ARHGEF3: variants seen among roughly 807,000 people sequenced by gnomAD.
ARHGEF3 encodes the protein Rho guanine nucleotide exchange factor 3.
A neutral mutation model predicts 63.2 loss-of-function variants in ARHGEF3; 28 were observed. The ratio of observed to expected loss-of-function variants is 0.44; its 90% confidence interval spans 0.33 to 0.61. ARHGEF3 has a LOEUF of 0.61. Ranked by LOEUF, ARHGEF3 falls within the 20% of genes least tolerant of loss-of-function variation. ARHGEF3 has a pLI of 0.03. For synonymous variants in ARHGEF3, 266 were observed against 254.2 expected (o/e 1.05, Z -0.44); for missense variants, 533 against 659.3 (o/e 0.81, Z 2.10).
chr3:56,810,485 C>T (rs956069342), intron 4 of ARHGEF3, among the ~76,000 whole-genome samples: 6 of 152,080 alleles, frequency 3.9e-5, no homozygotes, highest in Non-Finnish European at 8.8e-5. Flanking sequence ...TGAGACTATA[C>T]CACTGCACTC....
upstream of ARHGEF3, among the ~76,000 whole-genome samples, chr3:56,805,976 CA>C (rs1314135693): frequency 6.6e-6 from 1 of 152,122 alleles, no homozygotes; most frequent in African/African-American, 2.4e-5. Flanking sequence ...AAACTCAAGC[CA>C]GCAATTTGGG....
intron 4 of ARHGEF3, among the ~76,000 whole-genome samples, chr3:56,848,297 T>C (rs1340342568): frequency 1.3e-5 from 2 of 152,172 alleles, no homozygotes; most frequent in Non-Finnish European, 2.9e-5. Context: ...AATTTTGTGC[T>C]TGCTTGAAAA....
intron 3 of ARHGEF3, among the ~76,000 whole-genome samples, chr3:56,935,191 C>T (rs1487965128): frequency 2.0e-5 from 3 of 152,148 alleles, no homozygotes; most frequent in Non-Finnish European, 4.4e-5. Context: ...ATGCACCAAT[C>T]GACACTCTGT....
At chr3:56,989,089 C>T (rs1002674614) in intron 2 of ARHGEF3, among the ~76,000 whole-genome samples, 2 of 152,170 alleles carry the variant, frequency 1.3e-5, no homozygotes, top group Non-Finnish European at 2.9e-5. Flanking sequence ...CCTCTGCTGG[C>T]CGGTATTAGA....
intron 1 of ARHGEF3, among the ~76,000 whole-genome samples, chr3:57,061,976 T>G (rs191353897): frequency 2.0e-5 from 3 of 152,306 alleles, no homozygotes; most frequent in Admixed American, 2.0e-4. Flanking sequence ...ACAAGCATTT[T>G]CTGCCCTGAA....
intron 2 of ARHGEF3, among the ~76,000 whole-genome samples, chr3:57,033,384 G>A (rs1338542032): frequency 4.0e-5 from 6 of 148,224 alleles, no homozygotes; most frequent in South Asian, 4.3e-4. Flanking sequence ...CTGGATCCTC[G>A]TACTGTGGAT....
At position 56,854,495 on chromosome 3, in the gene ARHGEF3, T is replaced by C. The variant is rs78153498; in HGVS notation, c.192+27797A>G. Reference sequence around the variant, plus strand: ...GAACCCAACTTGTGTTTTAGGAAGATGCCTCGGGTTCAGTGTGGGGAATGG... The same window carrying C: ...GAACCCAACTTGTGTTTTAGGAAGACGCCTCGGGTTCAGTGTGGGGAATGG... On this transcript the variant is annotated intron_variant, in intron 4 of 12. Coordinates refer to the ARHGEF3 transcript ENST00000338458. Among the ~76,000 whole-genome samples, 490 of 152,282 alleles carry C rather than the reference T, an allele frequency of 3.2e-3. 2 individuals carry two copies. Among genetic ancestry groups the C allele is most frequent in the African/African-American group, 0.011 (461 of 41,560 alleles).
intron 3 of ARHGEF3, among the ~76,000 whole-genome samples, chr3:56,918,031 C>G (rs2042030337): frequency 6.6e-6 from 1 of 152,174 alleles, no homozygotes; most frequent in African/African-American, 2.4e-5. Context: ...AGCCTGACTC[C>G]CCACAAAGCA....
chr3:56,961,466 A>T (rs375733754), intron 2 of ARHGEF3, among the ~76,000 whole-genome samples: 1 of 151,756 alleles, frequency 6.6e-6, no homozygotes, highest in African/African-American at 2.4e-5. Context: ...AGTCCCCCCA[A>T]ACAGGGCAAA....
intron 1 of ARHGEF3, among the ~76,000 whole-genome samples, chr3:57,072,665 C>T (rs1705978468): frequency 6.7e-6 from 1 of 149,676 alleles, no homozygotes; most frequent in African/African-American, 2.5e-5. Context: ...TCACGTGAAC[C>T]CGGGGGGCAG....
At chr3:57,052,599 A>G (rs1167683326) in intron 1 of ARHGEF3, among the ~76,000 whole-genome samples, 1 of 152,146 alleles carries the variant, frequency 6.6e-6, no homozygotes, top group Non-Finnish European at 1.5e-5. Context: ...ACTCAGCCAG[A>G]GCCTACATTC....
chr3:57,038,313 C>T (rs1343319238), intron 1 of ARHGEF3, among the ~76,000 whole-genome samples: 2 of 152,120 alleles, frequency 1.3e-5, no homozygotes, highest in East Asian at 1.9e-4. Context: ...AATGAGGCCC[C>T]GGGGGTTGTT....
At chr3:56,848,440 A>T (rs1420298119) in intron 4 of ARHGEF3, among the ~76,000 whole-genome samples, 3 of 152,128 alleles carry the variant, frequency 2.0e-5, no homozygotes, top group African/African-American at 7.2e-5. Context: ...TGGCTATAAT[A>T]CCCTCTCCCT....
intron 3 of ARHGEF3, among the ~76,000 whole-genome samples, chr3:56,954,894 C>T (rs1179768081): frequency 6.6e-6 from 1 of 152,182 alleles, no homozygotes; most frequent in Admixed American, 6.5e-5. Context: ...TAATGGAGGT[C>T]TGCAGGGAAT....
At chr3:56,798,846 T>C (rs927760117) in intron 1 of ARHGEF3, among the ~76,000 whole-genome samples, 1 of 152,186 alleles carries the variant, frequency 6.6e-6, no homozygotes, top group Admixed American at 6.5e-5. Context: ...CTCCTTAGAT[T>C]TCACAATTAA....
At chr3:56,964,887 T>A (rs947776522) in intron 2 of ARHGEF3, among the ~76,000 whole-genome samples, 1 of 151,894 alleles carries the variant, frequency 6.6e-6, no homozygotes, top group Non-Finnish European at 1.5e-5. Flanking sequence ...AAAATAGACA[T>A]TAAATAGATA....
In ARHGEF3 at chr3:56,745,096, T is replaced by C. The variant is rs1008875211; in HGVS notation, c.870+109A>G. On this transcript the variant is annotated intron_variant, in intron 7 of 9. Coordinates refer to ENST00000296315, the MANE Select transcript of ARHGEF3 (RefSeq NM_019555.3). Reference sequence around the variant, plus strand: ...GCAGTGCCAGGCCTGGAACCCAAGATTCCTGAGTACTAAGTACCCAGGGAC... The same window carrying C: ...GCAGTGCCAGGCCTGGAACCCAAGACTCCTGAGTACTAAGTACCCAGGGAC... 4 of 1,381,254 alleles carry C rather than the reference T, an allele frequency of 2.9e-6. No individual in the cohort carries two copies. The African/African-American group carries it at 5.8e-5, about 20-fold the overall frequency. 85.6% of individuals were successfully genotyped at this position (1,381,254 alleles called of 1,614,324 possible). A position where few individuals can be genotyped will look rare whatever the true frequency, so the allele number is the denominator to read the frequency against.
chr3:56,978,312 G>A (rs944996268), intron 2 of ARHGEF3, among the ~76,000 whole-genome samples: 7 of 152,138 alleles, frequency 4.6e-5, no homozygotes, highest in African/African-American at 1.4e-4. Context: ...TGTCAGCAGT[G>A]GTGATTTCTC....
At position 56,974,718 on chromosome 3, in the gene ARHGEF3, G is replaced by C. The variant is rs558488716; in HGVS notation, c.63-15829C>G. 7.0e-4 allele frequency among the ~76,000 whole-genome samples: 107 copies of C among 152,178 alleles called. No homozygotes were observed. In the South Asian group the frequency reaches 8.1e-3, roughly 12 times the overall value. The stretch of plus-strand genomic sequence containing the variant: ...TCATCGCACGTTTTCAATGGCAAAG[G>C]CTTCATTACATCCTAAGGAAATCCA... On this transcript the variant is annotated intron_variant, in intron 2 of 12. Transcript: ENST00000338458.
Sources: allele counts gnomAD v4.1 joint callset (sites outside exome capture counted in the v4.1 genomes callset), GRCh38; gene constraint gnomAD v4.1.1; transcripts MANE v1.5; gene names NCBI Gene and HGNC (gene_info 2026-07-23, HGNC 2026-07-21).